LRSAM1: variants seen among roughly 807,000 people sequenced by gnomAD.
LRSAM1 encodes leucine rich repeat and sterile alpha motif containing 1.
Under a neutral mutation model 118.1 loss-of-function variants are expected in LRSAM1, and 96 were observed. That is an observed-to-expected ratio of 0.81 (90% confidence interval 0.69 to 0.96). LRSAM1 has a LOEUF of 0.96. Among genes scored for constraint, LRSAM1 ranks in the 40% least tolerant of loss-of-function variants. The probability of loss-of-function intolerance (pLI) is 0.00; values close to 1 mark genes in which losing one functional copy is unlikely to be tolerated. For synonymous variants in LRSAM1, 322 were observed against 364.2 expected (o/e 0.88, Z 1.32); for missense variants, 804 against 915.5 (o/e 0.88, Z 1.57).
chr9:127,455,502 C>A (rs533484572), intron 4 of LRSAM1, 74 bp from the exon 5 acceptor site: 1 of 1,474,288 alleles, frequency 6.8e-7, no homozygotes, highest in Non-Finnish European at 9.5e-7. Context: ...CTCTTCCTCA[C>A]GTGAATGCCA....
intron 2 of LRSAM1, chr9:127,453,373 C>T (rs1447033648): frequency 6.6e-6 from 1 of 152,290 alleles, no homozygotes; most frequent in Non-Finnish European, 1.5e-5. Context: ...TGAGCCACCA[C>T]ACCCGGCGTG....
intron 10 of LRSAM1, 34 bp from the exon 11 acceptor site, chr9:127,473,767 C>T: frequency 6.2e-7 from 1 of 1,613,980 alleles, no homozygotes; most frequent in Non-Finnish European, 8.5e-7. Flanking sequence ...GCTGTCTCCT[C>T]CCTCCTGGTC....
At chr9:127,459,613 C>T (rs1261581697) in intron 7 of LRSAM1, among the ~76,000 whole-genome samples, 1 of 152,012 alleles carries the variant, frequency 6.6e-6, no homozygotes, top group Non-Finnish European at 1.5e-5. Flanking sequence ...GGCTGGAGTG[C>T]AGTGGCACCA....
At chr9:127,467,337 C>T (rs901622060) in intron 9 of LRSAM1, among the ~76,000 whole-genome samples, 1 of 152,216 alleles carries the variant, frequency 6.6e-6, no homozygotes, top group Non-Finnish European at 1.5e-5. Flanking sequence ...ATGTGCCATC[C>T]ACTGCGCGTG....
At position 127,492,824 on chromosome 9, in the gene LRSAM1, G is replaced by C; in HGVS notation, c.1526G>C (p.Trp509Ser). Residue 509 changes from tryptophan (W) to serine (S), a missense_variant, in exon 21 of 26, where the codon TGG becomes TCG. Physicochemically the swap from Trp to Ser is radical, Grantham distance 177. Coordinates refer to ENST00000300417, the MANE Select transcript of LRSAM1 (RefSeq NM_001005373.4). ...SLQEMISEQR[W>S]ALSSLLQQLL... ...CAGGAGATGATCTCGGAGCAGCGCT[G>C]GGCCCTCAGCTCCCTGCTCCAGCAG... 5 of 1,613,922 alleles carry C rather than the reference G, an allele frequency of 3.1e-6. No homozygotes were observed. The highest frequency in any genetic ancestry group is 4.2e-6 in the Non-Finnish European group (5 of 1,180,026).
Position 127,465,051 on chromosome 9 carries a change from G to A in LRSAM1, c.528+2678G>A, listed in dbSNP as rs954162545. On this transcript the variant is annotated intron_variant, in intron 9 of 25. Transcript: ENST00000300417. The surrounding 1 kb of genome is among the most constrained non-coding windows in gnomAD (Gnocchi z 4.1). ...GAGATAACCGTTCTGAGTTCAGGCC[G>A]TACTGTGGGCAAGATCTTCAGGTGT... Among the ~76,000 whole-genome samples, 61 of 152,006 alleles carry A rather than the reference G, an allele frequency of 4.0e-4. No homozygotes were observed. The highest frequency in any genetic ancestry group is 1.3e-3 in the African/African-American group (52 of 41,330).
chr9:127,460,847 CTTTTTTTTTTTTTT>C (rs58140930), intron 7 of LRSAM1, among the ~76,000 whole-genome samples: 1 of 77,416 alleles, frequency 1.3e-5, no homozygotes, highest in Non-Finnish European at 2.4e-5. Flanking sequence ...CTGTTTCTTT[CTTTTTTTTTTTTTT>C]TTTTTTTTTT....
chr9:127,503,052 C>A lies in LRSAM1; in HGVS notation c.*153C>A. ...GCCCAGGAGCCCCCATCCTAAGCTC[C>A]AAGCATGTCTGGGCCAGGCAGAGGT... On this transcript the variant is annotated 3_prime_UTR_variant, in exon 26 of 26. Coordinates refer to ENST00000300417, the MANE Select transcript of LRSAM1 (RefSeq NM_001005373.4). 9.7e-7 allele frequency: 1 copy of A among 1,035,514 alleles called. No homozygotes were observed. Among genetic ancestry groups the A allele is most frequent in the Admixed American group, 2.1e-5 (1 of 47,380 alleles). The allele number at this position is 1,035,514 out of a possible 1,614,324, so 64.1% of individuals were successfully genotyped here. A position where few individuals can be genotyped will look rare whatever the true frequency, so the allele number is the denominator to read the frequency against.
intron 23 of LRSAM1, 75 bp from the exon 24 acceptor site, chr9:127,497,178 C>G (rs1374357125): frequency 6.9e-7 from 1 of 1,459,270 alleles, no homozygotes; most frequent in South Asian, 1.1e-5. Context: ...TGAGCCTGGG[C>G]CTGTGCCACG....
intron 4 of LRSAM1, among the ~76,000 whole-genome samples, chr9:127,455,324 C>T (rs1006412056): frequency 7.4e-6 from 1 of 134,870 alleles, no homozygotes; most frequent in Non-Finnish European, 1.6e-5. Flanking sequence ...TCTCCAGCCC[C>T]TGAAGGGGTT....
chr9:127,500,821 G>A lies in LRSAM1; in HGVS notation c.1913-189G>A, dbSNP rs115498195. On this transcript the variant is annotated intron_variant, in intron 24 of 25. Coordinates refer to ENST00000300417, the MANE Select transcript of LRSAM1 (RefSeq NM_001005373.4). The stretch of plus-strand genomic sequence containing the variant: ...AGACTTCACTCCCATTCTGCAGATG[G>A]GAAATGAGGCTCAGAGAAGAGAAGA... 0.023 allele frequency among the ~76,000 whole-genome samples: 3,495 copies of A among 152,316 alleles called. 150 individuals are homozygous for A. The highest frequency in any genetic ancestry group is 0.08 in the African/African-American group (3,311 of 41,556).
chr9:127,462,999 C>T (rs1228018836), intron 9 of LRSAM1, among the ~76,000 whole-genome samples: 1 of 151,920 alleles, frequency 6.6e-6, no homozygotes, highest in Non-Finnish European at 1.5e-5. Context: ...AGTTCGAGAC[C>T]AGCCTGGCCA....
intron 11 of LRSAM1, among the ~76,000 whole-genome samples, chr9:127,475,456 A>C (rs1335435463): frequency 2.0e-5 from 3 of 152,000 alleles, no homozygotes; most frequent in Non-Finnish European, 4.4e-5. Context: ...GCGCCACTGC[A>C]CTCCAGCCTG....
At chr9:127,475,706 A>G (rs1215255140) in intron 11 of LRSAM1, among the ~76,000 whole-genome samples, 1 of 152,146 alleles carries the variant, frequency 6.6e-6, no homozygotes. Context: ...ACTTTGGAGG[A>G]TAATTTGACA....
intron 2 of LRSAM1, among the ~76,000 whole-genome samples, chr9:127,452,841 C>T (rs1341946973): frequency 1.3e-5 from 2 of 152,206 alleles, no homozygotes; most frequent in African/African-American, 2.4e-5. Context: ...CCTCCTGGCT[C>T]ATTGCCATCC....
At chr9:127,495,855 G>A (rs1246054834) in intron 22 of LRSAM1, 109 bp from the exon 23 acceptor site, 20 of 1,492,550 alleles carry the variant, frequency 1.3e-5, no homozygotes, top group East Asian at 4.9e-5. Context: ...GAAAAATCCC[G>A]AGTACATTCT....
chr9:127,471,984 G>A (rs1456932387), intron 10 of LRSAM1, among the ~76,000 whole-genome samples: 2 of 150,146 alleles, frequency 1.3e-5, no homozygotes, highest in Non-Finnish European at 3.0e-5. Flanking sequence ...TTTTTTTTGA[G>A]ACAGAGTCTC....
intron 9 of LRSAM1, among the ~76,000 whole-genome samples, chr9:127,466,487 TATATATATATATATATA>T (rs1431721286): frequency 3.6e-4 from 5 of 14,038 alleles, no homozygotes; most frequent in Non-Finnish European, 8.9e-4. Flanking sequence ...TATATATATA[TATATATATATATATATA>T]TTTTTTTTTT....
intron 11 of LRSAM1, 24 bp downstream of exon 11, chr9:127,473,955 C>A (rs757135623): frequency 6.2e-7 from 1 of 1,613,898 alleles, no homozygotes; most frequent in African/African-American, 1.3e-5. Context: ...GCCTGCTGCA[C>A]GCATACATGT....
Sources: gnomAD v4.1 joint callset for allele counts (sites outside exome capture counted in the v4.1 genomes callset) on GRCh38, gnomAD v4.1.1 for gene constraint, Gnocchi (gnomAD v3.1) non-coding constraint, MANE v1.5 for transcripts, NCBI Gene and HGNC (gene_info 2026-07-23, HGNC 2026-07-21) for gene names.